The following SBF2 variants were observed in gnomAD, a reference collection of about 807,000 sequenced individuals.
SBF2 encodes the protein myotubularin-related protein 13.
SBF2 carries 112 observed loss-of-function variants against 225.2 expected under a neutral mutation model. That is an observed-to-expected ratio of 0.50 (90% CI 0.43 to 0.58). The LOEUF (loss-of-function observed/expected upper bound fraction) is 0.58. Among genes scored for constraint, SBF2 ranks in the 20% least tolerant of loss-of-function variants. The probability of loss-of-function intolerance (pLI) is 0.00; values close to 1 mark genes in which losing one functional copy is unlikely to be tolerated. For missense variants in SBF2, 1,996 were observed against 2,206.2 expected (o/e 0.90, Z 1.91); for synonymous variants, 763 against 773.3 (o/e 0.99, Z 0.22).
chr11:9,846,386 T>C (rs147755954), intron 23 of SBF2, among the ~76,000 whole-genome samples: 1 of 152,308 alleles, frequency 6.6e-6, no homozygotes, highest in Non-Finnish European at 1.5e-5. Context: ...TATTGCAAAC[T>C]GAGAATTTAA....
intron 2 of SBF2, among the ~76,000 whole-genome samples, chr11:10,175,111 C>T (rs908375013): frequency 6.6e-6 from 1 of 150,536 alleles, no homozygotes; most frequent in Non-Finnish European, 1.5e-5. Context: ...AACTAATGAG[C>T]AAAATAACCA....
intron 2 of SBF2, among the ~76,000 whole-genome samples, chr11:10,178,693 A>G (rs1204173299): frequency 1.4e-5 from 2 of 143,712 alleles, no homozygotes; most frequent in Non-Finnish European, 3.1e-5. Flanking sequence ...GTCAGGAAAC[A>G]ACAGGTGCTA....
chr11:10,200,843 A>T (rs1478596646), intron 1 of SBF2, among the ~76,000 whole-genome samples: 3 of 152,236 alleles, frequency 2.0e-5, no homozygotes, highest in Non-Finnish European at 2.9e-5. Context: ...TTATATTAAA[A>T]TATTGCTTAA....
At chr11:10,214,496 G>A (rs1195412520) in intron 1 of SBF2, among the ~76,000 whole-genome samples, 7 of 152,086 alleles carry the variant, frequency 4.6e-5, no homozygotes, top group Admixed American at 2.6e-4. Context: ...GGTGGCACGC[G>A]CCTGTAGTCC....
chr11:10,051,247 A>T lies in SBF2; in HGVS notation c.142-8266T>A, dbSNP rs184462081. Among the ~76,000 whole-genome samples, 222 of 152,214 alleles carry T rather than the reference A, an allele frequency of 1.5e-3. 1 individual carries two copies. Among genetic ancestry groups the T allele is most frequent in the Non-Finnish European group, 2.0e-3 (134 of 67,946 alleles). ...TTTAAATTAAATGTGTCTCTTTTTAAAAAGCCTGTAAGAAAATTCCTTCTC... is the reference window on the plus strand; with the variant it reads ...TTTAAATTAAATGTGTCTCTTTTTATAAAGCCTGTAAGAAAATTCCTTCTC... On this transcript the variant is annotated intron_variant, in intron 2 of 39. Transcript: ENST00000256190.
At chr11:9,806,566 A>G (rs1029813690) in intron 32 of SBF2, among the ~76,000 whole-genome samples, 9 of 152,196 alleles carry the variant, frequency 5.9e-5, no homozygotes, top group Non-Finnish European at 1.2e-4. Flanking sequence ...TAAAAGGGCC[A>G]ATATTCAAAC....
At chr11:10,236,228 G>A (rs1267440324) in intron 1 of SBF2, among the ~76,000 whole-genome samples, 1 of 152,212 alleles carries the variant, frequency 6.6e-6, no homozygotes, top group Non-Finnish European at 1.5e-5. Context: ...CAAGCAGGAG[G>A]ATTGCTTGAG....
intron 16 of SBF2, among the ~76,000 whole-genome samples, chr11:9,922,541 A>G (rs1780726236): frequency 1.3e-5 from 2 of 152,130 alleles, no homozygotes; most frequent in African/African-American, 4.8e-5. Context: ...ACAAAATTAA[A>G]CTAGTTTATC....
chr11:9,995,879 C>A (rs1458020104), intron 9 of SBF2, among the ~76,000 whole-genome samples: 2 of 148,026 alleles, frequency 1.4e-5, no homozygotes, highest in African/African-American at 5.0e-5. Flanking sequence ...AGGCTGGTCT[C>A]GAACTCCTGA....
intron 16 of SBF2, among the ~76,000 whole-genome samples, chr11:9,925,714 T>C (rs543806343): frequency 6.6e-6 from 1 of 152,328 alleles, no homozygotes; most frequent in African/African-American, 2.4e-5. Context: ...CACATAAAGA[T>C]TTTGGACTAC....
In SBF2 at chr11:10,110,826, T is replaced by A. The variant is rs1051971742; in HGVS notation, c.142-67845A>T. On this transcript the variant is annotated intron_variant, in intron 2 of 39. Transcript: ENST00000256190. ...CAAATCAGGAAAATGGGTGATCTAGTTGAAATGTTTAATTTTACCCAGGAA... is the reference window on the plus strand; with the variant it reads ...CAAATCAGGAAAATGGGTGATCTAGATGAAATGTTTAATTTTACCCAGGAA... Among the ~76,000 whole-genome samples the A allele has an allele frequency of 2.6e-5, 4 of 152,162 alleles. No individual in the cohort carries two copies. In the South Asian group the frequency reaches 6.2e-4, roughly 24 times the overall value.
intron 14 of SBF2, among the ~76,000 whole-genome samples, chr11:9,967,137 C>G (rs1353755713): frequency 6.6e-6 from 1 of 152,002 alleles, no homozygotes; most frequent in Non-Finnish European, 1.5e-5. Context: ...TTTGGGAGGC[C>G]GAGGAGGGCA....
chr11:9,994,437 T>C (rs1481067204), intron 9 of SBF2, among the ~76,000 whole-genome samples: 1 of 147,930 alleles, frequency 6.8e-6, no homozygotes. Flanking sequence ...ATTGCGCCAC[T>C]GCACTCCAGC....
rs371934131 is a variant in SBF2 at position 10,243,869 on chromosome 11, T to C, written c.56-49882A>G. On this transcript the variant is annotated intron_variant, in intron 1 of 39. Coordinates refer to ENST00000256190, the MANE Select transcript of SBF2 (RefSeq NM_030962.4). ...CTTCAGGGATAAATTCTACCAAACA[T>C]TTAAAGAATTATCACCAATTCTTCT... 5.3e-5 allele frequency among the ~76,000 whole-genome samples: 8 copies of C among 152,268 alleles called. No individual in the cohort carries two copies. The East Asian group carries it at 1.2e-3, about 22-fold the overall frequency.
chr11:9,838,858 C>T (rs1010103319), intron 26 of SBF2: 10 of 154,254 alleles, frequency 6.5e-5, no homozygotes, highest in African/African-American at 2.4e-4. Flanking sequence ...TAAGACTCAA[C>T]ATATTTGAAA....
At chr11:9,910,787 A>C (rs974327725) in intron 16 of SBF2, among the ~76,000 whole-genome samples, 2 of 150,474 alleles carry the variant, frequency 1.3e-5, no homozygotes, top group African/African-American at 4.9e-5. Context: ...GGTGGCTCAC[A>C]CCTGTAATCC....
chr11:10,074,491 T>C (rs746651002), intron 2 of SBF2, among the ~76,000 whole-genome samples: 7 of 152,226 alleles, frequency 4.6e-5, no homozygotes, highest in Non-Finnish European at 8.8e-5. Flanking sequence ...AACTCTCACA[T>C]GTGACTGACT....
At chr11:9,796,803 T>C (rs900278665) in intron 32 of SBF2, among the ~76,000 whole-genome samples, 2 of 152,154 alleles carry the variant, frequency 1.3e-5, no homozygotes, top group African/African-American at 4.8e-5. Context: ...AATTAGGCAG[T>C]GAGGTCATTG....
At chr11:10,201,187 C>G (rs772106479) in intron 1 of SBF2, among the ~76,000 whole-genome samples, 1 of 152,174 alleles carries the variant, frequency 6.6e-6, no homozygotes, top group Non-Finnish European at 1.5e-5. Context: ...AGAATAGAAG[C>G]TGATCTAAAG....
Sources: allele counts gnomAD v4.1 joint callset (sites outside exome capture counted in the v4.1 genomes callset), GRCh38; gene constraint gnomAD v4.1.1; transcripts MANE v1.5; gene names NCBI Gene and HGNC (gene_info 2026-07-23, HGNC 2026-07-21).